Variants in PICALM observed in about 807,000 individuals in gnomAD.
The protein encoded by PICALM is phosphatidylinositol-binding clathrin assembly protein.
A neutral mutation model predicts 80.5 loss-of-function variants in PICALM; 40 were observed. The ratio of observed to expected loss-of-function variants is 0.50; its 90% CI spans 0.39 to 0.65. The LOEUF is 0.65. PICALM is among the 30% of genes least tolerant of loss of function. The probability of loss-of-function intolerance (pLI) is 0.00; values close to 1 mark genes in which losing one functional copy is unlikely to be tolerated. For synonymous variants in PICALM, 288 were observed against 260.3 expected (o/e 1.11, Z -1.02); for missense variants, 676 against 778.9 (o/e 0.87, Z 1.57).
chr11:85,976,358 A>C (rs534951165), intron 18 of PICALM, among the ~76,000 whole-genome samples: 1 of 152,350 alleles, frequency 6.6e-6, no homozygotes, highest in Admixed American at 6.5e-5. Flanking sequence ...TAGAATTAAC[A>C]TTAATGTTTG....
intron 13 of PICALM, among the ~76,000 whole-genome samples, chr11:85,986,612 G>C (rs887050330): frequency 6.6e-6 from 1 of 150,920 alleles, no homozygotes; most frequent in African/African-American, 2.4e-5. Flanking sequence ...GGATGGTCTC[G>C]ATCTCCTGAC....
At position 85,990,796 on chromosome 11, in the gene PICALM, G is replaced by A. The variant is rs549659730; in HGVS notation, c.1259-397C>T. On this transcript the variant is annotated intron_variant, in intron 12 of 19. Coordinates refer to ENST00000393346, the MANE Select transcript of PICALM (RefSeq NM_007166.4). ...TATTGACAATTGGTATGTGTGTTGT[G>A]AGTAAACTTTCAAAGAAAAAAAGAG... is the stretch of plus-strand genomic sequence containing the variant. 1.8e-4 allele frequency among the ~76,000 whole-genome samples: 27 copies of A among 152,204 alleles called. 1 individual carries two copies. The South Asian group carries it at 5.0e-3, about 28-fold the overall frequency.
At chr11:85,976,601 C>G in intron 18 of PICALM, 22 bp downstream of exon 18, 1 of 1,484,488 alleles carries the variant, frequency 6.7e-7, no homozygotes, top group Non-Finnish European at 9.4e-7. Context: ...TTTCCAAAAG[C>G]TGTACCTAGG....
At chr11:86,025,520 AT>A (rs2136609853) in intron 3 of PICALM, among the ~76,000 whole-genome samples, 1 of 148,958 alleles carries the variant, frequency 6.7e-6, no homozygotes, top group East Asian at 2.0e-4. Context: ...ATGAAACATA[AT>A]ATAATAACAA....
At chr11:85,982,451 T>C (rs564002950) in intron 14 of PICALM, among the ~76,000 whole-genome samples, 21 of 108,284 alleles carry the variant, frequency 1.9e-4, no homozygotes, top group African/African-American at 7.4e-4. Flanking sequence ...GACGGAGTCT[T>C]GCTCTGTCGC....
intron 8 of PICALM, among the ~76,000 whole-genome samples, chr11:86,003,950 C>CA (rs1449669143): frequency 6.6e-6 from 1 of 152,150 alleles, no homozygotes; most frequent in African/African-American, 2.4e-5. Context: ...TCTGCAGTAT[C>CA]AAATGTTGGT....
chr11:86,008,569 G>C (rs993715874), intron 7 of PICALM, among the ~76,000 whole-genome samples: 1 of 151,766 alleles, frequency 6.6e-6, no homozygotes, highest in Non-Finnish European at 1.5e-5. Context: ...GCAGTGAGCA[G>C]AGATTGCTCC....
intron 1 of PICALM, among the ~76,000 whole-genome samples, chr11:86,063,099 C>T (rs1438011862): frequency 6.6e-6 from 1 of 152,114 alleles, no homozygotes; most frequent in East Asian, 1.9e-4. Flanking sequence ...CTACGGTGAA[C>T]TTTCACATTA....
In PICALM at chr11:85,982,593, A is replaced by G. The variant is rs1448428531; in HGVS notation, c.1517-590T>C. Reference sequence around the variant, plus strand: ...CAGGCGCCCGCCACCGCGCCCAGCTAATTTTTTGTATTTTTAGTAGAGACG... The same window carrying G: ...CAGGCGCCCGCCACCGCGCCCAGCTGATTTTTTGTATTTTTAGTAGAGACG... On this transcript the variant is annotated intron_variant, in intron 14 of 19. Coordinates refer to ENST00000393346, the MANE Select transcript of PICALM (RefSeq NM_007166.4). Among the ~76,000 whole-genome samples, 113 of 142,066 alleles carry G rather than the reference A, an allele frequency of 8.0e-4. 1 individual carries two copies. The highest frequency in any genetic ancestry group is 1.4e-3 in the Non-Finnish European group (95 of 65,524). 93.2% of individuals were successfully genotyped at this position (142,066 alleles called of 152,430 possible). A position where few individuals can be genotyped will look rare whatever the true frequency, so the allele number is the denominator to read the frequency against.
At chr11:86,064,376 C>T (rs1399437735) in intron 1 of PICALM, among the ~76,000 whole-genome samples, 1 of 152,130 alleles carries the variant, frequency 6.6e-6, no homozygotes, top group African/African-American at 2.4e-5. Flanking sequence ...AAAACAGAGA[C>T]ATACAGGATA....
chr11:86,042,607 T>G (rs973868155), intron 1 of PICALM, among the ~76,000 whole-genome samples: 4 of 150,540 alleles, frequency 2.7e-5, no homozygotes, highest in African/African-American at 9.8e-5. Context: ...TTGTATTACA[T>G]GCTAAGAACT....
At chr11:85,967,549 C>A (rs1023558143) in intron 19 of PICALM, among the ~76,000 whole-genome samples, 1 of 152,180 alleles carries the variant, frequency 6.6e-6, no homozygotes, top group Non-Finnish European at 1.5e-5. Context: ...ACATCCCAAT[C>A]CCCAAGGAAA....
intron 1 of PICALM, among the ~76,000 whole-genome samples, chr11:86,059,831 T>C (rs2096329550): frequency 6.6e-6 from 1 of 150,660 alleles, no homozygotes; most frequent in African/African-American, 2.4e-5. Flanking sequence ...AATTGATACC[T>C]AACCTGCCTA....
Position 86,020,424 on chromosome 11 carries a change from GA to G in PICALM, c.452+1942del, listed in dbSNP as rs34312370. ...CCCAGAACAGCTAAAACAATCTTGGGAAAAAAAAAAAAAAAAAAAGAATAGA... is the reference window on the plus strand; with the variant it reads ...CCCAGAACAGCTAAAACAATCTTGGGAAAAAAAAAAAAAAAAAAGAATAGA... On this transcript the variant is annotated intron_variant, in intron 4 of 19. Coordinates refer to ENST00000393346, the MANE Select transcript of PICALM (RefSeq NM_007166.4). Among the ~76,000 whole-genome samples, 276 of 94,236 alleles carry G rather than the reference GA, an allele frequency of 2.9e-3. 1 individual carries two copies. The highest frequency in any genetic ancestry group is 8.0e-3 in the African/African-American group (207 of 25,906). The allele number at this position is 94,236 out of a possible 152,430, so 61.8% of individuals were successfully genotyped here. A position where few individuals can be genotyped will look rare whatever the true frequency, so the allele number is the denominator to read the frequency against.
At chr11:86,042,995 G>C (rs947456476) in intron 1 of PICALM, among the ~76,000 whole-genome samples, 4 of 152,122 alleles carry the variant, frequency 2.6e-5, no homozygotes, top group Non-Finnish European at 4.4e-5. Flanking sequence ...TTATTAGTTA[G>C]GAATGACCAA....
At chr11:85,963,544 G>A (rs1205886562) in intron 19 of PICALM, among the ~76,000 whole-genome samples, 1 of 152,138 alleles carries the variant, frequency 6.6e-6, no homozygotes, top group African/African-American at 2.4e-5. Flanking sequence ...GTCCAATACA[G>A]ACATAGTCTT....
intron 6 of PICALM, among the ~76,000 whole-genome samples, chr11:86,011,849 T>G (rs537310093): frequency 6.7e-6 from 1 of 149,068 alleles, no homozygotes; most frequent in Non-Finnish European, 1.5e-5. Context: ...ACTATCCTTT[T>G]TGTTTTTTTT....
At chr11:85,993,915 T>C (rs1413587057) in intron 12 of PICALM, among the ~76,000 whole-genome samples, 1 of 152,070 alleles carries the variant, frequency 6.6e-6, no homozygotes, top group African/African-American at 2.4e-5. Context: ...AGACAAGGTA[T>C]TGCTATATTG....
chr11:85,967,891 CT>C (rs2093956831), intron 19 of PICALM, among the ~76,000 whole-genome samples: 1 of 152,206 alleles, frequency 6.6e-6, no homozygotes, highest in East Asian at 1.9e-4. Flanking sequence ...CCATCATTTC[CT>C]TTCAGACACT....
Sources: allele counts gnomAD v4.1 joint callset (sites outside exome capture counted in the v4.1 genomes callset), GRCh38; gene constraint gnomAD v4.1.1; transcripts MANE v1.5; gene names NCBI Gene and HGNC (gene_info 2026-07-23, HGNC 2026-07-21).